Variants in TXNRD1 observed in about 807,000 individuals in gnomAD.
The protein encoded by TXNRD1 is thioredoxin reductase 1.
In TXNRD1, 57 loss-of-function variants were observed where a neutral mutation model predicts 80.3. The ratio of observed to expected loss-of-function variants is 0.71; its 90% CI spans 0.57 to 0.89. The LOEUF is 0.89. TXNRD1 is among the 40% of genes least tolerant of loss of function. TXNRD1 has a pLI of 0.00. For missense variants in TXNRD1, 730 were observed against 803.0 expected, an observed-to-expected ratio of 0.91 and a Z score of 1.10; for synonymous variants, 291 against 285.2, an observed-to-expected ratio of 1.02 and a Z score of -0.20.
intron 1 of TXNRD1, among the ~76,000 whole-genome samples, chr12:104,225,715 C>CT (rs35057067): frequency 0.028 from 3,961 of 141,474 alleles, 58 homozygotes; most frequent in South Asian, 0.036. Context: ...AATTAAACCT[C>CT]TTTTTTTTTT....
rs1217672420 is a variant in TXNRD1 at position 104,311,374 on chromosome 12, A to G, written c.499A>G (p.Ile167Val). ...LPKSYDYDLI[I>V]IGGGSGGLAA... ...CAAGTCCTATGACTATGACCTTATCATCATTGGAGGTGGCTCAGGAGGTCT... is the reference window on the plus strand; with the variant it reads ...CAAGTCCTATGACTATGACCTTATCGTCATTGGAGGTGGCTCAGGAGGTCT... Residue 167 changes from isoleucine (I) to valine (V), a missense_variant, in exon 5 of 17, where the codon ATC becomes GTC. Transcript: ENST00000525566. 1.9e-6 allele frequency: 3 copies of G among 1,613,586 alleles called. No homozygotes were observed. Among genetic ancestry groups the G allele is most frequent in the African/African-American group, 2.7e-5 (2 of 74,922 alleles).
chr12:104,323,399 G>C (rs1282309894), intron 10 of TXNRD1, among the ~76,000 whole-genome samples: 76 of 147,466 alleles, frequency 5.2e-4, no homozygotes, highest in Admixed American at 1.1e-3. Context: ...CTGGCCGGGC[G>C]GGGGGCTGAC....
At chr12:104,272,242 C>G (rs1276276531) in intron 3 of TXNRD1, among the ~76,000 whole-genome samples, 1 of 152,168 alleles carries the variant, frequency 6.6e-6, no homozygotes, top group East Asian at 1.9e-4. Context: ...CCCTGACACA[C>G]GTGGCCCCTG....
intron 1 of TXNRD1, 73 bp downstream of exon 1, chr12:104,215,966 A>G: frequency 1.5e-6 from 2 of 1,325,340 alleles, no homozygotes; most frequent in Admixed American, 2.1e-5. Flanking sequence ...GGTTGGGGAT[A>G]AAGTGCCCCG....
At chr12:104,303,417 A>G (rs2034722566) in intron 4 of TXNRD1, among the ~76,000 whole-genome samples, 1 of 152,200 alleles carries the variant, frequency 6.6e-6, no homozygotes, top group African/African-American at 2.4e-5. Context: ...AACCAGGTCG[A>G]CCTCACTGCA....
intron 10 of TXNRD1, among the ~76,000 whole-genome samples, chr12:104,323,002 ACTCTTAACGAGCATGCTGC>A (rs1332199304): frequency 2.3e-5 from 3 of 129,524 alleles, no homozygotes; most frequent in Non-Finnish European, 4.9e-5. Flanking sequence ...AGTGGTGATG[ACTCTTAACGAGCATGCTGC>A]CTTCAAGCAT....
chr12:104,320,239 T>C (rs1156715778), intron 9 of TXNRD1, among the ~76,000 whole-genome samples: 1 of 152,266 alleles, frequency 6.6e-6, no homozygotes, highest in Non-Finnish European at 1.5e-5. Context: ...TGTGTCTTCT[T>C]GGATGCTTTT....
intron 3 of TXNRD1, chr12:104,287,338 T>A: frequency 6.2e-7 from 1 of 1,614,008 alleles, no homozygotes; most frequent in Non-Finnish European, 8.5e-7. Flanking sequence ...AGCTTCAGCA[T>A]GTCATGTGGT....
At chr12:104,285,869 A>G (rs1224054813) in intron 3 of TXNRD1, 2 of 152,226 alleles carry the variant, frequency 1.3e-5, no homozygotes, top group African/African-American at 4.8e-5. Context: ...TACTAGATCC[A>G]TTCTCTGTTC....
intron 1 of TXNRD1, among the ~76,000 whole-genome samples, chr12:104,245,509 C>T (rs1421507048): frequency 3.7e-5 from 2 of 53,914 alleles, no homozygotes; most frequent in Admixed American, 5.5e-4. Flanking sequence ...AAGAGCGAAA[C>T]TCCATCTCAA....
chr12:104,311,553 A>G (rs184398884), intron 5 of TXNRD1, 141 bp downstream of exon 5: 77 of 1,092,652 alleles, frequency 7.0e-5, no homozygotes, highest in Admixed American at 5.9e-4. Flanking sequence ...TGGGCAGGAC[A>G]TGGACATCGT....
In TXNRD1 at chr12:104,292,973, G is replaced by A. The variant is rs142955007; in HGVS notation, c.414+3933G>A. Among the ~76,000 whole-genome samples, 83 of 152,284 alleles carry A rather than the reference G, an allele frequency of 5.5e-4. 2 individuals are homozygous for A. The East Asian group carries it at 0.014, about 25-fold the overall frequency. The stretch of plus-strand genomic sequence containing the variant: ...GGGAACCAAGCTGTTTGCAGCCAGG[G>A]CTTTTGTATGTCCATGTATAAAGTT... On this transcript the variant is annotated intron_variant, in intron 4 of 16. Transcript: ENST00000525566.
intron 10 of TXNRD1, among the ~76,000 whole-genome samples, chr12:104,323,810 ACC>A (rs138772043): frequency 1.2e-4 from 14 of 121,466 alleles, no homozygotes; most frequent in South Asian, 2.6e-4. Flanking sequence ...GGGGGGGCTG[ACC>A]CCCCCCCACC....
chr12:104,218,329 T>G (rs1291273993), intron 1 of TXNRD1, among the ~76,000 whole-genome samples: 1 of 152,028 alleles, frequency 6.6e-6, no homozygotes, highest in Non-Finnish European at 1.5e-5. Flanking sequence ...CGGCCTGAAC[T>G]ATTTTATAAT....
intron 3 of TXNRD1, among the ~76,000 whole-genome samples, chr12:104,283,970 C>A (rs1222647210): frequency 6.6e-6 from 1 of 152,164 alleles, no homozygotes; most frequent in African/African-American, 2.4e-5. Flanking sequence ...TCACTACCTA[C>A]CACTTTTTTT....
chr12:104,219,481 T>C (rs1011886883), intron 1 of TXNRD1, among the ~76,000 whole-genome samples: 1 of 152,192 alleles, frequency 6.6e-6, no homozygotes, highest in Non-Finnish European at 1.5e-5. Flanking sequence ...TCCTTGAACA[T>C]AGAGTCTCGT....
intron 4 of TXNRD1, among the ~76,000 whole-genome samples, chr12:104,300,693 C>A (rs576600824): frequency 1.6e-4 from 24 of 151,962 alleles, no homozygotes; most frequent in Non-Finnish European, 3.1e-4. Flanking sequence ...GTTTTTGAGG[C>A]GGGGTTTCGC....
intron 4 of TXNRD1, among the ~76,000 whole-genome samples, chr12:104,293,231 C>G (rs1180501756): frequency 6.6e-6 from 1 of 152,108 alleles, no homozygotes; most frequent in Non-Finnish European, 1.5e-5. Flanking sequence ...AAAGTATTTA[C>G]TGGAATAATA....
At chr12:104,236,453 C>T (rs1369783693) in intron 1 of TXNRD1, among the ~76,000 whole-genome samples, 1 of 152,102 alleles carries the variant, frequency 6.6e-6, no homozygotes, top group Admixed American at 6.6e-5. Context: ...TGGCTAAAGT[C>T]GAGTAACAAG....
Sources: allele counts gnomAD v4.1 joint callset (sites outside exome capture counted in the v4.1 genomes callset), GRCh38; gene constraint gnomAD v4.1.1; transcripts MANE v1.5; gene names NCBI Gene and HGNC (gene_info 2026-07-23, HGNC 2026-07-21).